The following MAB21L3 variants were observed in gnomAD, a reference collection of about 807,000 sequenced individuals.
MAB21L3 encodes mab-21 like 3.
In MAB21L3, 36 loss-of-function variants were observed where a neutral mutation model predicts 37.7. The observed-to-expected ratio is 0.96, with a 90% confidence interval of 0.73 to 1.26. The LOEUF (loss-of-function observed/expected upper bound fraction) is 1.26, where lower values mean the gene tolerates loss of function less well. Among genes scored for constraint, MAB21L3 ranks in the 50% most tolerant of loss-of-function variants. MAB21L3 has a pLI of 0.00. For synonymous variants in MAB21L3, 186 were observed against 176.8 expected (o/e 1.05, Z -0.41); for missense variants, 430 against 447.3 (o/e 0.96, Z 0.35).
intron 6 of MAB21L3, 92 bp downstream of exon 6, chr1:116,127,736 A>C (rs1470587274): frequency 3.0e-6 from 4 of 1,336,752 alleles, no homozygotes; most frequent in Non-Finnish European, 4.0e-6. Flanking sequence ...TTTCCGAAGG[A>C]AAGTTGAGGT....
intron 7 of MAB21L3, among the ~76,000 whole-genome samples, chr1:116,128,786 A>G (rs754945937): frequency 6.6e-6 from 1 of 152,128 alleles, no homozygotes; most frequent in African/African-American, 2.4e-5. Flanking sequence ...ACACCTCCTC[A>G]TGCACACAGA....
At chr1:116,114,050 C>G (rs900085572) in intron 3 of MAB21L3, among the ~76,000 whole-genome samples, 2 of 152,150 alleles carry the variant, frequency 1.3e-5, no homozygotes, top group African/African-American at 4.8e-5. Context: ...TCCACTTTCT[C>G]AAGAAAGAGT....
At chr1:116,111,865 T>G (rs370092883) in intron 2 of MAB21L3, 55 bp downstream of exon 2, 4 of 152,682 alleles carry the variant, frequency 2.6e-5, no homozygotes, top group South Asian at 2.1e-4. Context: ...CCGTGTGCAC[T>G]CTGTGTACGT....
At position 116,134,472 on chromosome 1, in the gene MAB21L3, A is replaced by T. The variant is rs1041265159; in HGVS notation, c.*1107A>T. ...TAAACAGAATGTTGAAGTAGAGTCC[A>T]CAGAAAGGTCCCCGAAGGATGAAAA... On this transcript the variant is annotated 3_prime_UTR_variant, in exon 8 of 8. Transcript: ENST00000369500. 1 of 152,276 alleles carries T rather than the reference A, an allele frequency of 6.6e-6. No individual in the cohort carries two copies. The highest frequency in any genetic ancestry group is 2.4e-5 in the African/African-American group (1 of 41,464). 9.4% of individuals were successfully genotyped at this position (152,276 alleles called of 1,614,324 possible). A position where few individuals can be genotyped will look rare whatever the true frequency, so the allele number is the denominator to read the frequency against.
At chr1:116,127,823 C>T (rs970207738) in intron 6 of MAB21L3, among the ~76,000 whole-genome samples, 179 bp downstream of exon 6, 3 of 152,184 alleles carry the variant, frequency 2.0e-5, no homozygotes, top group African/African-American at 4.8e-5. Flanking sequence ...TGCAGCTTCC[C>T]GAGCCCCCAC....
At chr1:116,121,630 C>CAT (rs10651807) in intron 4 of MAB21L3, among the ~76,000 whole-genome samples, 6,575 of 152,218 alleles carry the variant, frequency 0.043, 366 homozygotes, top group African/African-American at 0.13. Flanking sequence ...AGTTGAAAGT[C>CAT]AGTCTGTGGG....
rs113175526 is a variant in MAB21L3, at chr1:116,122,544, G to A, written c.189+1472G>A. ...TTTTAACTTAGATCAAAATCAACAA[G>A]TTTTTGTTTGTTTTGCTTTTTTGCC... On this transcript the variant is annotated intron_variant, in intron 4 of 7. Coordinates refer to ENST00000369500, the MANE Select transcript of MAB21L3 (RefSeq NM_152367.3). 2.6e-4 allele frequency among the ~76,000 whole-genome samples: 40 copies of A among 152,256 alleles called. 1 individual carries two copies. The highest frequency in any genetic ancestry group is 9.1e-4 in the African/African-American group (38 of 41,566).
At chr1:116,130,344 G>T (rs767044902) in intron 7 of MAB21L3, among the ~76,000 whole-genome samples, 1 of 152,186 alleles carries the variant, frequency 6.6e-6, no homozygotes, top group Non-Finnish European at 1.5e-5. Context: ...ACCCACCTGT[G>T]TGGCACAATA....
At position 116,127,610 on chromosome 1, in the gene MAB21L3, G is replaced by A. The variant is rs138487625; in HGVS notation, c.626G>A (p.Arg209His). ...GCCCGGTGGCCTCGATGTCTGCAGCGCTGGCCTTCCCAAGAGAGAGTGGAG... is the reference window on the plus strand; with the variant it reads ...GCCCGGTGGCCTCGATGTCTGCAGCACTGGCCTTCCCAAGAGAGAGTGGAG... ...KKARWPRCLQ[R>H]WPSQERVECI... The change falls in exon 6 of 8, where the codon CGC becomes CAC. Residue 209 changes from arginine (R) to histidine (H), a missense_variant. Transcript: ENST00000369500. 3.4e-5 allele frequency: 55 copies of A among 1,614,038 alleles called. No homozygotes were observed. The African/African-American group carries it at 5.6e-4, about 16-fold the overall frequency.
intron 4 of MAB21L3, 82 bp from the exon 5 acceptor site, chr1:116,123,984 C>T (rs189103538): frequency 1.2e-4 from 175 of 1,429,884 alleles, no homozygotes; most frequent in Non-Finnish European, 1.5e-4. Flanking sequence ...AGCTGCCTGA[C>T]GAGACAGGTT....
intron 6 of MAB21L3, among the ~76,000 whole-genome samples, chr1:116,127,919 T>C (rs889764287): frequency 6.6e-6 from 1 of 152,182 alleles, no homozygotes; most frequent in African/African-American, 2.4e-5. Flanking sequence ...TTCTGATGTA[T>C]GCTCAAGTTG....
chr1:116,133,408 C>T lies in MAB21L3; in HGVS notation c.*43C>T. The T allele has an allele frequency of 6.4e-7, 1 of 1,560,610 alleles. No individual in the cohort carries two copies. The highest frequency in any genetic ancestry group is 1.1e-5 in the South Asian group (1 of 89,800). On this transcript the variant is annotated 3_prime_UTR_variant, in exon 8 of 8. Transcript: ENST00000369500. ...GAGGCTCTTGGACATTTTATTCTGGCTTAACATTGTTCTTTGGATGGTTCC... is the reference window on the plus strand; with the variant it reads ...GAGGCTCTTGGACATTTTATTCTGGTTTAACATTGTTCTTTGGATGGTTCC...
In MAB21L3 at chr1:116,133,468, GC is replaced by G; in HGVS notation, c.*105del. The G allele has an allele frequency of 1.0e-6, 1 of 976,426 alleles. No homozygotes were observed. Among genetic ancestry groups the G allele is most frequent in the Non-Finnish European group, 1.5e-6 (1 of 646,784 alleles). 60.5% of individuals were successfully genotyped at this position (976,426 alleles called of 1,614,324 possible). ...TGCCAGGATCCTGCCTAGGAGAAAGGCCACGAATGGCAGCGGAAATTACATC... is the reference window on the plus strand; with the variant it reads ...TGCCAGGATCCTGCCTAGGAGAAAGGCACGAATGGCAGCGGAAATTACATC... On this transcript the variant is annotated 3_prime_UTR_variant, in exon 8 of 8. Transcript: ENST00000369500.
intron 2 of MAB21L3, among the ~76,000 whole-genome samples, chr1:116,112,157 T>C (rs898562276): frequency 6.6e-6 from 1 of 152,104 alleles, no homozygotes; most frequent in Non-Finnish European, 1.5e-5. Context: ...GACCAGGAGA[T>C]ATAAGATACT....
At position 116,113,816 on chromosome 1, in the gene MAB21L3, G is replaced by GT. The variant is rs540492641; in HGVS notation, c.48+1156dup. The stretch of plus-strand genomic sequence containing the variant: ...TGGAAACTGTGTGCTGGGGCTGAGT[G>GT]TTTGCTAGCCAGAGCACGTGCTGGC... On this transcript the variant is annotated intron_variant, in intron 3 of 7. Transcript: ENST00000369500. Among the ~76,000 whole-genome samples, 93 of 152,310 alleles carry GT rather than the reference G, an allele frequency of 6.1e-4. No individual in the cohort carries two copies. In the East Asian group the frequency reaches 0.017, roughly 28 times the overall value.
intron 7 of MAB21L3, among the ~76,000 whole-genome samples, chr1:116,130,951 T>C (rs1660051853): frequency 6.6e-6 from 1 of 152,210 alleles, no homozygotes. Context: ...ATAGTTGCTA[T>C]GAACTTACAA....
chr1:116,113,745 G>GA (rs1488719400), intron 3 of MAB21L3, among the ~76,000 whole-genome samples: 2 of 152,094 alleles, frequency 1.3e-5, no homozygotes, highest in Non-Finnish European at 1.5e-5. Context: ...CTTTCCAGGG[G>GA]AAAAAAATCA....
At position 116,124,242 on chromosome 1, in the gene MAB21L3, C is replaced by A. The variant is rs753177639; in HGVS notation, c.366C>A (p.Ser122Arg). 6.2e-7 allele frequency: 1 copy of A among 1,614,160 alleles called. No homozygotes were observed. The highest frequency in any genetic ancestry group is 8.5e-7 in the Non-Finnish European group (1 of 1,180,036). Residue 122 changes from serine (S) to arginine (R), a missense_variant, in exon 5 of 8, where the codon AGC (serine) becomes AGA (arginine). By Grantham distance (110) the Ser-to-Arg change is moderately radical (BLOSUM62 -1). Coordinates refer to ENST00000369500, the MANE Select transcript of MAB21L3 (RefSeq NM_152367.3). Reference sequence around the variant, plus strand: ...TGGAGGTGGAACAGTTTATGAAGAGCCTGTGGCAGTGGCATGAGACAGATG... The same window carrying A: ...TGGAGGTGGAACAGTTTATGAAGAGACTGTGGCAGTGGCATGAGACAGATG... ...QWLEVEQFMK[S>R]LWQWHETDVN...
At chr1:116,128,369 AG>A (rs113454074) in intron 7 of MAB21L3, 30 bp downstream of exon 7, 60,525 of 1,581,472 alleles carry the variant, frequency 0.038, 2,740 homozygotes, top group African/African-American at 0.23. Context: ...GAGAAGACCC[AG>A]GGGCAGCTTT....
Sources: allele counts gnomAD v4.1 joint callset (sites outside exome capture counted in the v4.1 genomes callset), GRCh38; gene constraint gnomAD v4.1.1; transcripts MANE v1.5; gene names NCBI Gene and HGNC (gene_info 2026-07-23, HGNC 2026-07-21).